The following NF1 variants were observed in gnomAD, a reference collection of about 807,000 sequenced individuals.
NF1 encodes neurofibromin 1, also known as neurofibromin.
A neutral mutation model predicts 325.7 loss-of-function variants in NF1; 122 were observed. That is an observed-to-expected ratio of 0.37 (90% CI 0.32 to 0.44). NF1 has a LOEUF of 0.44. Among genes scored for constraint, NF1 ranks in the 20% least tolerant of loss-of-function variants. NF1 has a pLI of 1.00. For synonymous variants in NF1, 1,091 were observed against 1,186.0 expected (o/e 0.92, Z 1.65); for missense variants, 2,140 against 3,415.4 (o/e 0.63, Z 9.31).
Position 31,227,527 on chromosome 17 carries a change from G to A in NF1, c.2330G>A (p.Trp777Ter), listed in dbSNP as rs199474745. 6.2e-7 allele frequency: 1 copy of A among 1,613,678 alleles called. No homozygotes were observed. The highest frequency in any genetic ancestry group is 8.5e-7 in the Non-Finnish European group (1 of 1,179,752). ...EHPTAGNTEA[W>*]EDTHAKWEQA... is the part of the protein sequence containing the mutation. ...TGATAATTGCCTTCATTTTAGGCTT[G>A]GGAAGATACACATGCAAAATGGGAA... Residue 777 changes from tryptophan (W) to a stop codon, truncating the protein, a stop_gained, in exon 20 of 58, where the codon TGG becomes TAG. Coordinates refer to ENST00000358273, the MANE Select transcript of NF1 (RefSeq NM_001042492.3). LOFTEE classifies it high-confidence loss of function.
rs1357611636 is a variant in NF1, at chr17:31,183,142, A to G, written c.888+477A>G. On this transcript the variant is annotated intron_variant, in intron 8 of 57. Coordinates refer to ENST00000358273, the MANE Select transcript of NF1 (RefSeq NM_001042492.3). ...GGTAAGGCTCTCGCATATACCATCT[A>G]TAGTGAAATTGGCACCATGACAACT... The G allele has an allele frequency of 2.0e-5, 6 of 297,294 alleles. No homozygotes were observed. In the East Asian group the frequency reaches 2.6e-4, roughly 13 times the overall value. The allele number at this position is 297,294 out of a possible 1,614,324, so 18.4% of individuals were successfully genotyped here. A position where few individuals can be genotyped will look rare whatever the true frequency, so the allele number is the denominator to read the frequency against.
intron 31 of NF1, chr17:31,257,687 G>T (rs1444456767): frequency 6.6e-6 from 1 of 151,830 alleles, no homozygotes. Context: ...TTTCTTTTAG[G>T]TCCCCAAGAA....
At chr17:31,150,929 G>A (rs1916893042) in intron 1 of NF1, among the ~76,000 whole-genome samples, 1 of 152,010 alleles carries the variant, frequency 6.6e-6, no homozygotes, top group Non-Finnish European at 1.5e-5. Flanking sequence ...CAGCTACTAG[G>A]GAGGCTGAGG....
At chr17:31,224,445 G>T (rs2066978478) in intron 16 of NF1, among the ~76,000 whole-genome samples, 1 of 152,106 alleles carries the variant, frequency 6.6e-6, no homozygotes, top group African/African-American at 2.4e-5. Context: ...TGTCTCTTTA[G>T]AAATAGACTA....
chr17:31,096,017 A>G (rs1181561055), intron 1 of NF1, among the ~76,000 whole-genome samples: 1 of 151,526 alleles, frequency 6.6e-6, no homozygotes, highest in Non-Finnish European at 1.5e-5. Context: ...GTGATGCCCT[A>G]CAACGTCGTC....
intron 46 of NF1, 143 bp from the exon 47 acceptor site, chr17:31,340,362 C>A (rs1047401658): frequency 5.7e-5 from 58 of 1,018,084 alleles, no homozygotes; most frequent in Non-Finnish European, 8.1e-5. Flanking sequence ...AAGTGAAGAG[C>A]TTACTCATAT....
chr17:31,207,020 G>A (rs76025461), intron 12 of NF1, among the ~76,000 whole-genome samples: 1 of 152,176 alleles, frequency 6.6e-6, no homozygotes, highest in East Asian at 1.9e-4. Flanking sequence ...TTATAAGATT[G>A]TGGAAGTCAT....
At chr17:31,154,711 G>A (rs1242003359) in intron 1 of NF1, among the ~76,000 whole-genome samples, 2 of 142,524 alleles carry the variant, frequency 1.4e-5, no homozygotes, top group Admixed American at 7.1e-5. Context: ...GCCCCACCCC[G>A]CCAATTTCAT....
At chr17:31,209,868 T>G (rs1357190546) in intron 12 of NF1, among the ~76,000 whole-genome samples, 6 of 152,140 alleles carry the variant, frequency 3.9e-5, no homozygotes, top group African/African-American at 1.4e-4. Context: ...AGGCTACTCT[T>G]GAACTGTGAC....
chr17:31,227,324 G>A (rs763426196), intron 19 of NF1, 33 bp downstream of exon 19: 72 of 1,607,258 alleles, frequency 4.5e-5, no homozygotes, highest in Non-Finnish European at 6.1e-5. Context: ...ACCCCTCCCA[G>A]GCGCCCACCC....
chr17:31,265,487 C>T (rs748472470), intron 36 of NF1, 148 bp downstream of exon 36: 4 of 624,174 alleles, frequency 6.4e-6, no homozygotes, highest in Admixed American at 2.6e-5. Context: ...AAATAGCCTG[C>T]GTTTCCTAAA....
At chr17:31,105,773 C>G (rs530439860) in intron 1 of NF1, among the ~76,000 whole-genome samples, 7 of 152,298 alleles carry the variant, frequency 4.6e-5, no homozygotes, top group African/African-American at 1.4e-4. Flanking sequence ...CTTGGCCTCC[C>G]AAAGTGCTGG....
chr17:31,292,330 G>A (rs1462991883), intron 36 of NF1, among the ~76,000 whole-genome samples: 1 of 152,194 alleles, frequency 6.6e-6, no homozygotes. Flanking sequence ...TCTGGAGCCA[G>A]GAATATAGTA....
chr17:31,195,210 C>G (rs1004407802), intron 8 of NF1, among the ~76,000 whole-genome samples: 1 of 152,136 alleles, frequency 6.6e-6, no homozygotes, highest in African/African-American at 2.4e-5. Flanking sequence ...TTCCTATTCA[C>G]TCTTGACCTT....
intron 9 of NF1, 112 bp from the exon 10 acceptor site, chr17:31,200,925 A>C: frequency 6.9e-7 from 1 of 1,450,866 alleles, no homozygotes; most frequent in Non-Finnish European, 9.6e-7. Context: ...TTCTTCTGGC[A>C]GCTGGATTTT....
intron 29 of NF1, among the ~76,000 whole-genome samples, chr17:31,248,570 T>A (rs2067439913): frequency 6.6e-6 from 1 of 152,180 alleles, no homozygotes; most frequent in African/African-American, 2.4e-5. Context: ...AGTCTTGCCC[T>A]TTCATCCAAG....
At chr17:31,353,639 A>G (rs2070206965) in intron 51 of NF1, among the ~76,000 whole-genome samples, 1 of 152,080 alleles carries the variant, frequency 6.6e-6, no homozygotes, top group African/African-American at 2.4e-5. Flanking sequence ...ACAAACAAAA[A>G]CACTGATCTT....
rs139076681 is a variant in NF1, at chr17:31,295,100, A to G, written c.4835+29761A>G. On this transcript the variant is annotated intron_variant, in intron 36 of 57. Coordinates refer to ENST00000358273, the MANE Select transcript of NF1 (RefSeq NM_001042492.3). The stretch of plus-strand genomic sequence containing the variant: ...TGCCACAGAAGGTAATGGAGTCTTT[A>G]CATTTGTGGTTGTCTCTTCCCTCCA... 10 of 1,614,034 alleles carry G rather than the reference A, an allele frequency of 6.2e-6. No individual in the cohort carries two copies. Among genetic ancestry groups the G allele is most frequent in the Non-Finnish European group, 8.5e-6 (10 of 1,179,996 alleles).
At chr17:31,124,905 A>G (rs1914748653) in intron 1 of NF1, among the ~76,000 whole-genome samples, 1 of 151,450 alleles carries the variant, frequency 6.6e-6, no homozygotes, top group Non-Finnish European at 1.5e-5. Context: ...CTGGCCTTGA[A>G]TTTTTATTTG....
Sources: allele counts gnomAD v4.1 joint callset (sites outside exome capture counted in the v4.1 genomes callset), GRCh38; gene constraint gnomAD v4.1.1; transcripts MANE v1.5; gene names NCBI Gene and HGNC (gene_info 2026-07-23, HGNC 2026-07-21).